RIT2: variants seen among roughly 807,000 people sequenced by gnomAD.
RIT2 encodes GTP-binding protein Rit2.
Under a neutral mutation model 23.7 loss-of-function variants are expected in RIT2, and 24 were observed. The observed-to-expected ratio is 1.01, with a 90% CI of 0.73 to 1.43. The LOEUF (loss-of-function observed/expected upper bound fraction) is 1.43, where lower values mean the gene tolerates loss of function less well. Among genes scored for constraint, RIT2 ranks in the 40% most tolerant of loss-of-function variants. RIT2 has a pLI of 0.00. For synonymous variants in RIT2, 107 were observed against 91.1 expected, an observed-to-expected ratio of 1.17 and a Z score of -0.99; for missense variants, 236 against 266.9, an observed-to-expected ratio of 0.88 and a Z score of 0.81.
At chr18:42,796,035 A>C (rs945086414) in intron 4 of RIT2, among the ~76,000 whole-genome samples, 1 of 152,072 alleles carries the variant, frequency 6.6e-6, no homozygotes, top group African/African-American at 2.4e-5. Context: ...TAAGAGAATA[A>C]AAGCAGGCTG....
chr18:42,917,038 C>A (rs1346252844), intron 4 of RIT2, among the ~76,000 whole-genome samples: 2 of 152,048 alleles, frequency 1.3e-5, no homozygotes, highest in East Asian at 3.9e-4. Flanking sequence ...AATGAGTTTC[C>A]CCAGAAAGGG....
chr18:42,782,385 T>G (rs1258635850), intron 4 of RIT2, among the ~76,000 whole-genome samples: 2 of 152,124 alleles, frequency 1.3e-5, no homozygotes, highest in African/African-American at 4.8e-5. Context: ...GATAATTTGC[T>G]TAAGAAATAG....
intron 4 of RIT2, among the ~76,000 whole-genome samples, chr18:42,922,189 C>T (rs1909071709): frequency 6.6e-6 from 1 of 152,060 alleles, no homozygotes; most frequent in African/African-American, 2.4e-5. Flanking sequence ...AATACGTTCC[C>T]GGTTAAACAT....
chr18:42,847,198 T>C (rs1404751011), intron 4 of RIT2, among the ~76,000 whole-genome samples: 1 of 152,156 alleles, frequency 6.6e-6, no homozygotes, highest in African/African-American at 2.4e-5. Context: ...TTAACTTGGG[T>C]ATTAAACAAA....
intron 4 of RIT2, among the ~76,000 whole-genome samples, chr18:42,794,374 C>T (rs1320206845): frequency 6.6e-6 from 1 of 151,994 alleles, no homozygotes; most frequent in African/African-American, 2.4e-5. Flanking sequence ...TCAACCTAGC[C>T]CAAATAAAAT....
intron 2 of RIT2, among the ~76,000 whole-genome samples, chr18:42,993,741 CT>C (rs370323614): frequency 1.5e-3 from 229 of 152,188 alleles, no homozygotes; most frequent in African/African-American, 5.3e-3. Context: ...CCTTCACATC[CT>C]CCCCTTGTAT....
At chr18:43,000,964 A>G (rs1911090632) in intron 2 of RIT2, among the ~76,000 whole-genome samples, 1 of 152,072 alleles carries the variant, frequency 6.6e-6, no homozygotes, top group African/African-American at 2.4e-5. Context: ...AGGGGGTTGC[A>G]TTGGGAAAGC....
intron 4 of RIT2, among the ~76,000 whole-genome samples, chr18:42,746,824 C>A (rs1416385108): frequency 6.6e-6 from 1 of 151,992 alleles, no homozygotes; most frequent in African/African-American, 2.4e-5. Flanking sequence ...TCAATAGATG[C>A]AGAAAAAGCA....
chr18:42,751,325 A>G (rs969037028), intron 4 of RIT2, among the ~76,000 whole-genome samples: 2 of 151,884 alleles, frequency 1.3e-5, no homozygotes, highest in African/African-American at 4.8e-5. Flanking sequence ...TTGAAAAAAT[A>G]TGTTTAGTTG....
At chr18:42,811,374 G>T (rs568500851) in intron 4 of RIT2, among the ~76,000 whole-genome samples, 1 of 152,130 alleles carries the variant, frequency 6.6e-6, no homozygotes, top group East Asian at 1.9e-4. Flanking sequence ...GATATGTAAA[G>T]TAGGGCCACA....
chr18:43,059,428 G>A (rs752114878), intron 1 of RIT2, among the ~76,000 whole-genome samples: 21 of 152,102 alleles, frequency 1.4e-4, no homozygotes, highest in Non-Finnish European at 3.1e-4. Context: ...ACTGGTCCAA[G>A]CTTGAGCGAT....
At chr18:43,090,596 A>G (rs554777695) in intron 1 of RIT2, among the ~76,000 whole-genome samples, 84 of 152,244 alleles carry the variant, frequency 5.5e-4, no homozygotes, top group African/African-American at 2.0e-3. Context: ...ACTATTCACA[A>G]TATCAAAAAC....
At chr18:42,943,746 T>C (rs1909660433) in intron 3 of RIT2, among the ~76,000 whole-genome samples, 2 of 152,160 alleles carry the variant, frequency 1.3e-5, no homozygotes, top group Non-Finnish European at 2.9e-5. Context: ...TATTATTTTA[T>C]GTAAAATCAA....
chr18:43,100,618 A>T (rs1163099983), intron 1 of RIT2, among the ~76,000 whole-genome samples: 1 of 152,154 alleles, frequency 6.6e-6, no homozygotes, highest in Non-Finnish European at 1.5e-5. Context: ...TTCAATTCAC[A>T]ACTGAGTTTT....
chr18:43,022,196 G>A (rs1361490437), intron 2 of RIT2, among the ~76,000 whole-genome samples: 1 of 152,114 alleles, frequency 6.6e-6, no homozygotes, highest in Non-Finnish European at 1.5e-5. Context: ...AGTGAAATAA[G>A]CCAGGCACAG....
chr18:43,054,050 C>A (rs796616297), intron 1 of RIT2, among the ~76,000 whole-genome samples: 15 of 152,208 alleles, frequency 9.9e-5, no homozygotes, highest in African/African-American at 3.4e-4. Flanking sequence ...CACATTGGAA[C>A]TCTTTGACCA....
chr18:42,903,778 C>G (rs963359332), intron 4 of RIT2, among the ~76,000 whole-genome samples: 1 of 152,054 alleles, frequency 6.6e-6, no homozygotes, highest in Non-Finnish European at 1.5e-5. Flanking sequence ...GTCATTCTTA[C>G]CTTGATGCCA....
intron 4 of RIT2, among the ~76,000 whole-genome samples, chr18:42,770,003 C>T (rs1031377417): frequency 7.9e-5 from 12 of 151,772 alleles, no homozygotes. Context: ...CCAAGACAGT[C>T]GTGGCTGAGA....
At chr18:42,762,512 A>C (rs1913325545) in intron 4 of RIT2, among the ~76,000 whole-genome samples, 2 of 152,226 alleles carry the variant, frequency 1.3e-5, no homozygotes, top group Non-Finnish European at 2.9e-5. Flanking sequence ...TGACCACACC[A>C]GATATTAAAG....
Sources: allele counts gnomAD v4.1 joint callset (sites outside exome capture counted in the v4.1 genomes callset), GRCh38; gene constraint gnomAD v4.1.1; transcripts MANE v1.5; gene names NCBI Gene and HGNC (gene_info 2026-07-23, HGNC 2026-07-21).